Variants in GADL1 observed in about 807,000 individuals in gnomAD.
GADL1 encodes GAD like acidic amino acid decarboxylase 1.
Under a neutral mutation model 69.5 loss-of-function variants are expected in GADL1, and 71 were observed. The observed-to-expected ratio is 1.02, with a 90% CI of 0.84 to 1.25. GADL1 has a LOEUF of 1.25. GADL1 is among the 50% of genes most tolerant of loss of function. The pLI, the probability that GADL1 is intolerant of heterozygous loss-of-function variation, is 0.00. For synonymous variants in GADL1, 254 were observed against 214.4 expected, an observed-to-expected ratio of 1.18 and a Z score of -1.62; for missense variants, 737 against 631.8, an observed-to-expected ratio of 1.17 and a Z score of -1.79.
At chr3:30,736,988 T>C (rs13098631) in intron 14 of GADL1, among the ~76,000 whole-genome samples, 30,397 of 152,096 alleles carry the variant, frequency 0.2, 3,639 homozygotes, top group Non-Finnish European at 0.27. Flanking sequence ...TGAGCTTATT[T>C]CCAGCATTGT....
intron 6 of GADL1, among the ~76,000 whole-genome samples, chr3:30,844,689 T>C (rs1698026447): frequency 1.3e-5 from 2 of 152,136 alleles, no homozygotes; most frequent in African/African-American, 2.4e-5. Flanking sequence ...GTTACAGCTA[T>C]GGAATCTTGA....
At chr3:30,806,200 A>T (rs1008037105) in intron 11 of GADL1, among the ~76,000 whole-genome samples, 2 of 152,120 alleles carry the variant, frequency 1.3e-5, no homozygotes, top group Non-Finnish European at 2.9e-5. Flanking sequence ...CTATGTCACC[A>T]TATTTACATG....
intron 11 of GADL1, among the ~76,000 whole-genome samples, chr3:30,826,450 C>T (rs1011990030): frequency 6.6e-5 from 10 of 151,808 alleles, no homozygotes; most frequent in African/African-American, 2.4e-4. Flanking sequence ...TATCTACACC[C>T]TCAGGGTTCT....
chr3:30,876,164 AG>A (rs1327433329), intron 1 of GADL1, among the ~76,000 whole-genome samples: 1 of 152,064 alleles, frequency 6.6e-6, no homozygotes, highest in Non-Finnish European at 1.5e-5. Context: ...CAGCCATGCA[AG>A]TTACATACTA....
intron 1 of GADL1, among the ~76,000 whole-genome samples, chr3:30,875,213 G>GAA (rs796713938): frequency 0.036 from 3,895 of 108,024 alleles, 150 homozygotes; most frequent in African/African-American, 0.11. Context: ...AGGATATAGA[G>GAA]AAAAAAAAAA....
chr3:30,750,213 G>A (rs7634689), intron 14 of GADL1, among the ~76,000 whole-genome samples: 14,013 of 152,168 alleles, frequency 0.092, 1,760 homozygotes, highest in African/African-American at 0.29. Flanking sequence ...ATTACAATCA[G>A]AAGAGCACAT....
At chr3:30,761,889 A>AT (rs1300005430) in intron 14 of GADL1, among the ~76,000 whole-genome samples, 2 of 152,210 alleles carry the variant, frequency 1.3e-5, no homozygotes, top group African/African-American at 4.8e-5. Context: ...ATTTCACAGG[A>AT]TATATAATAT....
chr3:30,744,862 C>T (rs1695677762), intron 14 of GADL1, among the ~76,000 whole-genome samples: 1 of 152,098 alleles, frequency 6.6e-6, no homozygotes, highest in African/African-American at 2.4e-5. Flanking sequence ...ACTTTATTTA[C>T]AAAAAAATGA....
intron 12 of GADL1, chr3:30,799,349 G>C (rs1360948200): frequency 6.6e-6 from 1 of 152,240 alleles, no homozygotes; most frequent in Non-Finnish European, 1.5e-5. Flanking sequence ...AAGCTGCTAA[G>C]GTTTGGGGCT....
At chr3:30,863,646 T>C (rs1698354870) in intron 1 of GADL1, among the ~76,000 whole-genome samples, 1 of 151,992 alleles carries the variant, frequency 6.6e-6, no homozygotes, top group African/African-American at 2.4e-5. Flanking sequence ...TAAAGTACTT[T>C]TCAGCACTGT....
At chr3:30,771,896 C>T (rs1575197158) in intron 14 of GADL1, among the ~76,000 whole-genome samples, 1 of 135,850 alleles carries the variant, frequency 7.4e-6, no homozygotes, top group African/African-American at 3.6e-5. Context: ...TTTCTAGCCG[C>T]TCCTAAGTCC....
chr3:30,784,979 A>G (rs1169147086), intron 13 of GADL1, among the ~76,000 whole-genome samples: 2 of 152,192 alleles, frequency 1.3e-5, no homozygotes, highest in African/African-American at 4.8e-5. Context: ...CAATTCTGCC[A>G]GAATATCTGT....
At chr3:30,772,835 C>G (rs1696445506) in intron 14 of GADL1, among the ~76,000 whole-genome samples, 1 of 152,134 alleles carries the variant, frequency 6.6e-6, no homozygotes, top group Non-Finnish European at 1.5e-5. Flanking sequence ...AAGATTGTGC[C>G]ACTGCACTCC....
chr3:30,789,069 A>AT (rs1395563916), intron 12 of GADL1, among the ~76,000 whole-genome samples: 5 of 152,162 alleles, frequency 3.3e-5, no homozygotes, highest in Admixed American at 6.6e-5. Flanking sequence ...AACCCATAAA[A>AT]TTTTCAATTC....
intron 13 of GADL1, among the ~76,000 whole-genome samples, chr3:30,780,711 T>C (rs1308958827): frequency 6.6e-6 from 1 of 152,190 alleles, no homozygotes; most frequent in Non-Finnish European, 1.5e-5. Flanking sequence ...AGAAACTTAC[T>C]AAAAAATGCA....
At chr3:30,863,760 T>C (rs990042752) in intron 1 of GADL1, among the ~76,000 whole-genome samples, 4 of 151,986 alleles carry the variant, frequency 2.6e-5, no homozygotes, top group Non-Finnish European at 5.9e-5. Context: ...CTACTCTTAG[T>C]GAGGGCTCTA....
intron 9 of GADL1, among the ~76,000 whole-genome samples, chr3:30,838,391 A>T (rs1170290345): frequency 6.6e-6 from 1 of 152,190 alleles, no homozygotes; most frequent in African/African-American, 2.4e-5. Context: ...CAGGACTTAC[A>T]AAAATTCTTT....
At chr3:30,821,766 C>T (rs1697585685) in intron 11 of GADL1, among the ~76,000 whole-genome samples, 1 of 150,686 alleles carries the variant, frequency 6.6e-6, no homozygotes, top group African/African-American at 2.4e-5. Flanking sequence ...ATAGACTTAC[C>T]CTACTAGATG....
At chr3:30,893,398 G>GA (rs1425680883) in intron 1 of GADL1, among the ~76,000 whole-genome samples, 2 of 151,886 alleles carry the variant, frequency 1.3e-5, no homozygotes, top group Non-Finnish European at 2.9e-5. Flanking sequence ...TGAGAACACT[G>GA]AAATCCTCTC....
Sources: allele counts gnomAD v4.1 joint callset (sites outside exome capture counted in the v4.1 genomes callset), GRCh38; gene constraint gnomAD v4.1.1; transcripts MANE v1.5; gene names NCBI Gene and HGNC (gene_info 2026-07-23, HGNC 2026-07-21).